Variants in GPBP1 observed in about 807,000 individuals in gnomAD.
GPBP1 encodes vasculin.
Under a neutral mutation model 56.5 loss-of-function variants are expected in GPBP1, and 13 were observed. The observed-to-expected ratio is 0.23, with a 90% confidence interval of 0.15 to 0.37. The LOEUF is 0.37. Among genes scored for constraint, GPBP1 ranks in the 10% least tolerant of loss-of-function variants. The pLI is 1.00. For synonymous variants in GPBP1, 204 were observed against 188.9 expected (o/e 1.08, Z -0.66); for missense variants, 477 against 572.3 (o/e 0.83, Z 1.70).
chr5:57,190,800 G>C (rs1754489081), intron 2 of GPBP1, among the ~76,000 whole-genome samples: 1 of 145,770 alleles, frequency 6.9e-6, no homozygotes, highest in Non-Finnish European at 1.5e-5. Context: ...TTGACCTCCT[G>C]GGCTCAAGCA....
chr5:57,252,073 T>G (rs1308189119), intron 10 of GPBP1, among the ~76,000 whole-genome samples: 2 of 152,152 alleles, frequency 1.3e-5, no homozygotes, highest in Non-Finnish European at 2.9e-5. Flanking sequence ...TGGCAGATAA[T>G]TTCTCCCATT....
chr5:57,179,296 T>A (rs1753935063), intron 2 of GPBP1, among the ~76,000 whole-genome samples: 1 of 152,254 alleles, frequency 6.6e-6, no homozygotes, highest in Non-Finnish European at 1.5e-5. Flanking sequence ...GAGATATTAC[T>A]GTTTTGCTAT....
intron 2 of GPBP1, among the ~76,000 whole-genome samples, chr5:57,193,487 G>A (rs971637616): frequency 6.6e-6 from 1 of 151,486 alleles, no homozygotes; most frequent in Non-Finnish European, 1.5e-5. Context: ...GGTGACTTGC[G>A]CCTGTAGTCC....
Position 57,262,814 on chromosome 5 carries a change from AT to A in GPBP1, c.*64del. Reference sequence around the variant, plus strand: ...ACATCTCTCATACAGTTTGGGGTGAATTGTAAAAATGAAGAACTATAATTTA... The same window carrying A: ...ACATCTCTCATACAGTTTGGGGTGAATGTAAAAATGAAGAACTATAATTTA... On this transcript the variant is annotated 3_prime_UTR_variant, in exon 12 of 12. Coordinates refer to ENST00000506184, the MANE Select transcript of GPBP1 (RefSeq NM_022913.4). 2 of 1,431,278 alleles carry A rather than the reference AT, an allele frequency of 1.4e-6. No individual in the cohort carries two copies. The highest frequency in any genetic ancestry group is 1.9e-6 in the Non-Finnish European group (2 of 1,041,180). The allele number at this position is 1,431,278 out of a possible 1,614,324, so 88.7% of individuals were successfully genotyped here.
chr5:57,175,531 TAC>T lies in GPBP1; in HGVS notation c.-925_-924del. 2.5e-6 allele frequency: 1 copy of T among 398,576 alleles called. No homozygotes were observed. The highest frequency in any genetic ancestry group is 3.6e-5 in the East Asian group (1 of 28,064). 24.7% of individuals were successfully genotyped at this position (398,576 alleles called of 1,614,324 possible). A position where few individuals can be genotyped will look rare whatever the true frequency, so the allele number is the denominator to read the frequency against. On this transcript the variant is annotated 5_prime_UTR_variant, in exon 2 of 12. Transcript: ENST00000506184. ...ATATTTTAAGTGGCCATTTTGGATT[TAC>T]AGTGTTTTTGGATAATTTTGCCCCA...
intron 5 of GPBP1, among the ~76,000 whole-genome samples, chr5:57,232,044 G>C (rs980184598): frequency 3.3e-5 from 5 of 152,150 alleles, no homozygotes; most frequent in African/African-American, 9.7e-5. Context: ...GTGGAATTGA[G>C]ACAGGGTCTC....
chr5:57,213,271 G>A (rs1322550710), intron 2 of GPBP1, among the ~76,000 whole-genome samples: 1 of 151,864 alleles, frequency 6.6e-6, no homozygotes, highest in Non-Finnish European at 1.5e-5. Context: ...GGCTGGTCTC[G>A]AACTCCTGAC....
At chr5:57,184,512 T>C (rs1193352096) in intron 2 of GPBP1, among the ~76,000 whole-genome samples, 1 of 151,988 alleles carries the variant, frequency 6.6e-6, no homozygotes, top group Non-Finnish European at 1.5e-5. Context: ...ACACACTCTT[T>C]AAACAGCTCT....
intron 2 of GPBP1, among the ~76,000 whole-genome samples, chr5:57,213,853 G>A (rs755644036): frequency 2.0e-5 from 3 of 152,060 alleles, no homozygotes; most frequent in African/African-American, 2.4e-5. Context: ...AATAACCACC[G>A]CAATCAAGAT....
In GPBP1 at chr5:57,239,820, A is replaced by G. The variant is rs149687021; in HGVS notation, c.478+3788A>G. Among the ~76,000 whole-genome samples, 5 of 152,246 alleles carry G rather than the reference A, an allele frequency of 3.3e-5. No individual in the cohort carries two copies. The East Asian group carries it at 9.7e-4, about 29-fold the overall frequency. On this transcript the variant is annotated intron_variant, in intron 6 of 11. Coordinates refer to ENST00000506184, the MANE Select transcript of GPBP1 (RefSeq NM_022913.4). ...AACCAACAACATTCAAACAGCACCA[A>G]TTGTTGTAAAAATGATCTTAAACAT...
chr5:57,262,360 A>G (rs1486538157), intron 11 of GPBP1, among the ~76,000 whole-genome samples: 1 of 152,178 alleles, frequency 6.6e-6, no homozygotes, highest in Non-Finnish European at 1.5e-5. Flanking sequence ...CCCTGAAGGT[A>G]TTTATTACAG....
intron 3 of GPBP1, among the ~76,000 whole-genome samples, chr5:57,219,549 C>T (rs997756832): frequency 6.6e-6 from 1 of 151,726 alleles, no homozygotes; most frequent in Admixed American, 6.6e-5. Context: ...TTGTTATTGA[C>T]TTTTGCCACC....
intron 6 of GPBP1, among the ~76,000 whole-genome samples, chr5:57,239,300 A>T (rs1011765210): frequency 6.6e-6 from 1 of 152,200 alleles, no homozygotes; most frequent in Non-Finnish European, 1.5e-5. Context: ...TCACCATGGA[A>T]ATTGTTGATA....
chr5:57,234,210 T>TCA (rs1364002827), intron 5 of GPBP1, among the ~76,000 whole-genome samples: 11 of 152,164 alleles, frequency 7.2e-5, no homozygotes, highest in African/African-American at 2.7e-4. Flanking sequence ...TTATTTAATA[T>TCA]ATATTAAGTA....
At chr5:57,184,679 A>G (rs1017286497) in intron 2 of GPBP1, among the ~76,000 whole-genome samples, 1 of 152,208 alleles carries the variant, frequency 6.6e-6, no homozygotes, top group East Asian at 1.9e-4. Context: ...AACTGCATCA[A>G]TGACAAGAAA....
chr5:57,236,857 AAAAC>A (rs1756683188), intron 6 of GPBP1, among the ~76,000 whole-genome samples: 2 of 152,012 alleles, frequency 1.3e-5, no homozygotes, highest in South Asian at 4.1e-4. Context: ...TCAACTCACT[AAAAC>A]AAAAGGATTG....
chr5:57,211,626 C>T (rs536307386), intron 2 of GPBP1, among the ~76,000 whole-genome samples: 17 of 151,318 alleles, frequency 1.1e-4, no homozygotes, highest in African/African-American at 4.1e-4. Flanking sequence ...CCTCCTTGCC[C>T]AGGCTGGAGT....
chr5:57,263,759 AGCTT>A lies in GPBP1; in HGVS notation c.*1008_*1011del, dbSNP rs1162110051. 1 of 152,174 alleles carries A rather than the reference AGCTT, an allele frequency of 6.6e-6. No individual in the cohort carries two copies. Among genetic ancestry groups the A allele is most frequent in the Non-Finnish European group, 1.5e-5 (1 of 68,010 alleles). The allele number at this position is 152,174 out of a possible 1,614,324, so 9.4% of individuals were successfully genotyped here. A position where few individuals can be genotyped will look rare whatever the true frequency, so the allele number is the denominator to read the frequency against. ...AAGCGTTTTCATTATCAAATACACA[AGCTT>A]ATTAAATGAATGACTGTTAACTACT... On this transcript the variant is annotated 3_prime_UTR_variant, in exon 12 of 12. Transcript: ENST00000506184.
At chr5:57,235,123 A>G (rs889673670) in intron 5 of GPBP1, among the ~76,000 whole-genome samples, 74 of 152,180 alleles carry the variant, frequency 4.9e-4, no homozygotes, top group African/African-American at 1.8e-3. Context: ...CCTGGCCAAC[A>G]TGGTGAAACT....
Sources: gnomAD v4.1 joint callset for allele counts (sites outside exome capture counted in the v4.1 genomes callset) on GRCh38, gnomAD v4.1.1 for gene constraint, MANE v1.5 for transcripts, NCBI Gene and HGNC (gene_info 2026-07-23, HGNC 2026-07-21) for gene names.